The following HBP1 variants were observed in gnomAD, a reference collection of about 807,000 sequenced individuals.
HBP1 encodes HMG box-containing protein 1.
In HBP1, 20 loss-of-function variants were observed where a neutral mutation model predicts 62.6. The ratio of observed to expected loss-of-function variants is 0.32; its 90% CI spans 0.22 to 0.46. The LOEUF (loss-of-function observed/expected upper bound fraction) is 0.46, where lower values mean the gene tolerates loss of function less well. HBP1 is among the 20% of genes least tolerant of loss of function. HBP1 has a pLI of 1.00. For synonymous variants in HBP1, 232 were observed against 206.2 expected (o/e 1.12, Z -1.07); for missense variants, 480 against 611.8 (o/e 0.78, Z 2.27).
Position 107,195,950 on chromosome 7 carries a change from G to C in HBP1, c.1184G>C (p.Gly395Ala). The change falls in exon 9 of 11, where the codon GGA becomes GCA. Residue 395 changes from glycine to alanine, a missense_variant. Around this residue, in one of 4 missense-constraint regions of HBP1, gnomAD observed 66 missense variants for 56.4 expected, o/e 1.17. Coordinates refer to ENST00000222574, the MANE Select transcript of HBP1 (RefSeq NM_012257.4). ...GGTGGTCAAGACTTTGCAAGATCTG[G>C]ATTCAGTAAAAACTGTGGCTCACCT... ...GPGGQDFARS[G>A]FSKNCGSPGS... 1 of 1,614,012 alleles carries C rather than the reference G, an allele frequency of 6.2e-7. No individual in the cohort carries two copies. The highest frequency in any genetic ancestry group is 8.5e-7 in the Non-Finnish European group (1 of 1,179,956).
At chr7:107,189,030 A>G (rs774828526) in intron 6 of HBP1, among the ~76,000 whole-genome samples, 12 of 152,196 alleles carry the variant, frequency 7.9e-5, no homozygotes, top group African/African-American at 2.2e-4. Context: ...GGAATTGAAA[A>G]TCCTCCTTAA....
chr7:107,192,098 T>C (rs938233378), intron 8 of HBP1, among the ~76,000 whole-genome samples: 14 of 151,980 alleles, frequency 9.2e-5, no homozygotes, highest in African/African-American at 3.4e-4. Context: ...CAGGGAAGCT[T>C]GTTAGGCGCA....
rs183300215 is a variant in HBP1 at position 107,190,041 on chromosome 7, G to T, written c.923-132G>T. The T allele has an allele frequency of 1.4e-5, 9 of 637,094 alleles. No individual in the cohort carries two copies. In the Admixed American group the frequency reaches 2.5e-4, roughly 18 times the overall value. 39.5% of individuals were successfully genotyped at this position (637,094 alleles called of 1,614,324 possible). A position where few individuals can be genotyped will look rare whatever the true frequency, so the allele number is the denominator to read the frequency against. On this transcript the variant is annotated intron_variant, in intron 7 of 10. Coordinates refer to ENST00000222574, the MANE Select transcript of HBP1 (RefSeq NM_012257.4). Reference sequence around the variant, plus strand: ...CTAGTACTTTATTGTAAAGATACATGACTTGTGTTAGAGAATCTCTTGAGA... The same window carrying T: ...CTAGTACTTTATTGTAAAGATACATTACTTGTGTTAGAGAATCTCTTGAGA...
At chr7:107,178,022 T>G (rs1796943321) in intron 1 of HBP1, among the ~76,000 whole-genome samples, 1 of 152,210 alleles carries the variant, frequency 6.6e-6, no homozygotes, top group Non-Finnish European at 1.5e-5. Flanking sequence ...AAATATTAAG[T>G]GATTAACATT....
intron 9 of HBP1, among the ~76,000 whole-genome samples, chr7:107,198,429 C>T (rs1032838211): frequency 1.3e-5 from 2 of 152,020 alleles, no homozygotes; most frequent in Admixed American, 6.5e-5. Context: ...AGGCTGGTCT[C>T]GAACTCCTGA....
At chr7:107,198,445 G>C (rs957472576) in intron 9 of HBP1, among the ~76,000 whole-genome samples, 1 of 151,974 alleles carries the variant, frequency 6.6e-6, no homozygotes, top group Non-Finnish European at 1.5e-5. Flanking sequence ...CCTGATCTCA[G>C]GTGATCTGCC....
At chr7:107,191,633 T>C (rs556073675) in intron 8 of HBP1, among the ~76,000 whole-genome samples, 3 of 152,318 alleles carry the variant, frequency 2.0e-5, no homozygotes, top group South Asian at 2.1e-4. Context: ...AAGTGTGATA[T>C]AATCATATAG....
chr7:107,169,828 C>T (rs1796467699), intron 1 of HBP1: 1 of 984,392 alleles, frequency 1.0e-6, no homozygotes, highest in Non-Finnish European at 1.2e-6. Context: ...GGGAGGGGAA[C>T]GCGATGAATG....
chr7:107,180,043 T>C lies in HBP1; in HGVS notation c.150T>C (p.Cys50=). The change falls in exon 2 of 11, where the codon TGT becomes TGC. Residue 50 remains cysteine (C), a synonymous_variant. Coordinates refer to ENST00000222574, the MANE Select transcript of HBP1 (RefSeq NM_012257.4). ...NLPSSPGYNS[C]DEHMELDDLP... is the part of the protein sequence containing the mutation. ...CATCTTCACCTGGATATAACTCCTG[T>C]GATGAACACATGGAGCTTGGTAAGC... The C allele has an allele frequency of 6.3e-7, 1 of 1,582,358 alleles. No individual in the cohort carries two copies. The highest frequency in any genetic ancestry group is 1.1e-5 in the South Asian group (1 of 89,076).
chr7:107,200,632 GA>G (rs1798200660), intron 10 of HBP1: 1 of 173,466 alleles, frequency 5.8e-6, no homozygotes, highest in African/African-American at 2.4e-5. Context: ...TATCACAGTA[GA>G]AAATTTCTCT....
intron 8 of HBP1, 79 bp from the exon 9 acceptor site, chr7:107,195,755 T>G (rs1364929380): frequency 4.3e-6 from 3 of 691,154 alleles, no homozygotes; most frequent in Non-Finnish European, 6.4e-6. Context: ...GTTTTCTTTT[T>G]TTTTTTTTTA....
At chr7:107,169,319 T>A in intron 1 of HBP1, 134 bp downstream of exon 1, 1 of 336,822 alleles carries the variant, frequency 3.0e-6, no homozygotes, top group Non-Finnish European at 4.5e-6. Context: ...TGGGGGCAGT[T>A]AACCGTTCGA....
At position 107,201,715 on chromosome 7, in the gene HBP1, G is replaced by T; in HGVS notation, c.*284G>T. 2.9e-6 allele frequency: 1 copy of T among 344,922 alleles called. No homozygotes were observed. The allele number at this position is 344,922 out of a possible 1,614,324, so 21.4% of individuals were successfully genotyped here. A position where few individuals can be genotyped will look rare whatever the true frequency, so the allele number is the denominator to read the frequency against. On this transcript the variant is annotated 3_prime_UTR_variant, in exon 11 of 11. Transcript: ENST00000222574. ...ATAGGCTTGAAAATTGATATCCTGT[G>T]GTGCTAAAGTACAGTAGAAAGAGAG...
intron 1 of HBP1, 100 bp downstream of exon 1, chr7:107,169,285 C>T (rs893388431): frequency 1.1e-4 from 68 of 593,226 alleles, no homozygotes; most frequent in Non-Finnish European, 1.3e-4. Context: ...CTCGTTCCTT[C>T]TTCTCGGAGG....
At chr7:107,170,185 C>T (rs1796487159) in intron 1 of HBP1, 1 of 960,804 alleles carries the variant, frequency 1.0e-6, no homozygotes, top group Non-Finnish European at 1.2e-6. Flanking sequence ...CCACTGATGC[C>T]AGGACGAGAG....
intron 6 of HBP1, among the ~76,000 whole-genome samples, chr7:107,187,023 C>T (rs1308399567): frequency 6.6e-6 from 1 of 152,090 alleles, no homozygotes; most frequent in African/African-American, 2.4e-5. Flanking sequence ...GAGGCTGAGG[C>T]GGGTGGATCA....
In HBP1 at chr7:107,186,641, G is replaced by A; in HGVS notation, c.725G>A (p.Gly242Asp). 1 of 1,612,376 alleles carries A rather than the reference G, an allele frequency of 6.2e-7. No individual in the cohort carries two copies. Among genetic ancestry groups the A allele is most frequent in the African/African-American group, 1.3e-5 (1 of 75,002 alleles). The change falls in exon 6 of 11, where the codon GGC (glycine) becomes GAC (aspartate). Residue 242 changes from glycine (G) to aspartate (D), a missense_variant. By Grantham distance (94) the Gly-to-Asp change is moderately conservative (BLOSUM62 -1). Coordinates refer to ENST00000222574, the MANE Select transcript of HBP1 (RefSeq NM_012257.4). ...GTTGAAGATTTTGCTAGAGCTGAAG[G>A]CTGTGATAATGAGGAAGATCTTCAA... is the stretch of plus-strand genomic sequence containing the variant. ...QDVEDFARAE[G>D]CDNEEDLQMG...
chr7:107,189,432 C>T lies in HBP1; in HGVS notation c.906C>T (p.Phe302=). ...TAGAGTGTAAGCTGGACCACCCTTT[C>T]TATGTTAAAAATAAAGGTAGGGCTT... is the stretch of plus-strand genomic sequence containing the variant. ...LTVECKLDHP[F]YVKNKGWSSF... Residue 302 remains phenylalanine (F), a synonymous_variant, in exon 7 of 11, where the codon TTC becomes TTT. Transcript: ENST00000222574. 1.9e-6 allele frequency: 3 copies of T among 1,605,636 alleles called. No homozygotes were observed. The highest frequency in any genetic ancestry group is 2.6e-6 in the Non-Finnish European group (3 of 1,176,334).
chr7:107,195,574 G>A (rs773309577), intron 8 of HBP1, among the ~76,000 whole-genome samples: 1 of 152,038 alleles, frequency 6.6e-6, no homozygotes, highest in African/African-American at 2.4e-5. Flanking sequence ...ATTCCTTTGG[G>A]GGGTTCAAAG....
Sources: allele counts gnomAD v4.1 joint callset (sites outside exome capture counted in the v4.1 genomes callset), GRCh38; gene constraint gnomAD v4.1.1; regional missense constraint gnomAD v4.1.1; transcripts MANE v1.5; gene names NCBI Gene and HGNC (gene_info 2026-07-23, HGNC 2026-07-21).